The following TFDP2 variants were observed in gnomAD, a reference collection of about 807,000 sequenced individuals.
The protein encoded by TFDP2 is transcription factor Dp-2, also known as transcription factor Dp-2 (E2F dimerization partner 2).
A neutral mutation model predicts 59.3 loss-of-function variants in TFDP2; 17 were observed. That is an observed-to-expected ratio of 0.29 (90% CI 0.20 to 0.43). The LOEUF (loss-of-function observed/expected upper bound fraction) is 0.43. Among genes scored for constraint, TFDP2 ranks in the 20% least tolerant of loss-of-function variants. The pLI, the probability that TFDP2 is intolerant of heterozygous loss-of-function variation, is 1.00. For synonymous variants in TFDP2, 180 were observed against 194.7 expected (o/e 0.92, Z 0.63); for missense variants, 391 against 528.8 (o/e 0.74, Z 2.56).
At chr3:142,058,814 T>C (rs184701018) in intron 3 of TFDP2, among the ~76,000 whole-genome samples, 6 of 152,270 alleles carry the variant, frequency 3.9e-5, no homozygotes, top group Admixed American at 2.0e-4. Flanking sequence ...TGGGGTTTTA[T>C]AGAGGTTTCC....
chr3:142,141,690 G>A (rs183866274), intron 1 of TFDP2, among the ~76,000 whole-genome samples: 41 of 152,004 alleles, frequency 2.7e-4, no homozygotes, highest in African/African-American at 8.7e-4. Flanking sequence ...AGGCATGGTG[G>A]CACATACCTG....
At chr3:142,124,281 A>G (rs567622873) in intron 1 of TFDP2, among the ~76,000 whole-genome samples, 7 of 152,218 alleles carry the variant, frequency 4.6e-5, no homozygotes, top group Non-Finnish European at 8.8e-5. Context: ...GAATAGCCAT[A>G]AAATTATGGA....
intron 1 of TFDP2, chr3:142,145,495 G>T (rs1008910187): frequency 2.6e-5 from 4 of 152,150 alleles, no homozygotes; most frequent in Non-Finnish European, 4.4e-5. Context: ...GAACAAATCA[G>T]AGATTAGCAT....
chr3:142,055,148 G>C (rs1231755743), intron 3 of TFDP2, among the ~76,000 whole-genome samples: 3 of 152,174 alleles, frequency 2.0e-5, no homozygotes, highest in Non-Finnish European at 4.4e-5. Flanking sequence ...GATTCAACAA[G>C]CATTGAATTG....
In TFDP2 at chr3:142,121,769, C is replaced by T. The variant is rs1363575617; in HGVS notation, c.-92-19928G>A. 1.3e-5 allele frequency among the ~76,000 whole-genome samples: 2 copies of T among 151,828 alleles called. No homozygotes were observed. The highest frequency in any genetic ancestry group is 6.6e-5 in the Admixed American group (1 of 15,232). On this transcript the variant is annotated intron_variant, in intron 1 of 12. Transcript: ENST00000489671. This position sits in a 1 kb window ranked among gnomAD's most constrained non-coding sequence, Gnocchi z 4.3. The stretch of plus-strand genomic sequence containing the variant: ...TCCCAGCACTTCTGGGATGCTGAGG[C>T]GGACGGAACACCTGAGGTCAGGAGT...
chr3:142,009,347 C>T (rs1156467749), intron 3 of TFDP2, among the ~76,000 whole-genome samples: 4 of 152,074 alleles, frequency 2.6e-5, no homozygotes. Context: ...GTTTATTTTG[C>T]TTTTAACATG....
intron 2 of TFDP2, among the ~76,000 whole-genome samples, chr3:142,094,161 G>A (rs948573363): frequency 5.9e-5 from 9 of 152,066 alleles, no homozygotes; most frequent in South Asian, 2.1e-4. Flanking sequence ...TTGGCAGAAC[G>A]CAAACATCCA....
intron 2 of TFDP2, among the ~76,000 whole-genome samples, chr3:142,099,111 G>A (rs1055925109): frequency 3.9e-5 from 6 of 152,156 alleles, no homozygotes; most frequent in African/African-American, 1.4e-4. Flanking sequence ...CTCTGTAAGA[G>A]GGCAATCTCT....
chr3:142,055,648 A>G (rs902880568), intron 3 of TFDP2, among the ~76,000 whole-genome samples: 1 of 152,244 alleles, frequency 6.6e-6, no homozygotes, highest in Non-Finnish European at 1.5e-5. Context: ...CATAAAGCCC[A>G]GCTTCCAATT....
At chr3:141,954,927 T>G (rs1158400988) in intron 11 of TFDP2, among the ~76,000 whole-genome samples, 1 of 152,174 alleles carries the variant, frequency 6.6e-6, no homozygotes, top group African/African-American at 2.4e-5. Flanking sequence ...TAAATGACTA[T>G]GCTAATTTTA....
At chr3:142,009,118 G>A (rs1009089454) in intron 3 of TFDP2, among the ~76,000 whole-genome samples, 21 of 152,068 alleles carry the variant, frequency 1.4e-4, no homozygotes, top group African/African-American at 4.8e-4. Flanking sequence ...AATGGGCTAC[G>A]TCTCTCAGCT....
intron 3 of TFDP2, among the ~76,000 whole-genome samples, chr3:142,062,750 T>C (rs1217132626): frequency 6.6e-6 from 1 of 151,672 alleles, no homozygotes; most frequent in Non-Finnish European, 1.5e-5. Context: ...CCTACCCAAA[T>C]GCCCAATAAC....
At chr3:141,984,570 C>A (rs1941865158) in intron 6 of TFDP2, among the ~76,000 whole-genome samples, 1 of 152,134 alleles carries the variant, frequency 6.6e-6, no homozygotes, top group African/African-American at 2.4e-5. Flanking sequence ...GAAAGTAGAA[C>A]AGAGGGATTG....
chr3:141,985,373 G>A (rs900956177), intron 6 of TFDP2, among the ~76,000 whole-genome samples: 7 of 151,774 alleles, frequency 4.6e-5, no homozygotes, highest in African/African-American at 1.7e-4. Context: ...TACAAAAAAT[G>A]TAAAAATTAG....
intron 2 of TFDP2, among the ~76,000 whole-genome samples, chr3:142,095,501 T>C (rs2061132971): frequency 6.6e-6 from 1 of 152,244 alleles, no homozygotes; most frequent in South Asian, 2.1e-4. Context: ...CTAGAATCTA[T>C]CATCATCAAA....
Position 141,978,647 on chromosome 3 carries a change from C to T in TFDP2, c.392G>A (p.Gly131Asp). 6.2e-7 allele frequency: 1 copy of T among 1,610,842 alleles called. No individual in the cohort carries two copies. The change falls in exon 7 of 13, where the codon GGC becomes GAC. Residue 131 changes from glycine to aspartate, a missense_variant. Gly to Asp is a moderately conservative substitution (Grantham distance 94). Transcript: ENST00000489671. ...RSKKGDKNGK[G>D]LRHFSMKVCE... The stretch of plus-strand genomic sequence containing the variant: ...CACTTTCATTGAAAAGTGTCTCAAG[C>T]CTTTCCCATTTTTATCTCCTTTTTT...
chr3:142,100,403 G>A (rs1053305927), intron 2 of TFDP2, among the ~76,000 whole-genome samples: 3 of 151,988 alleles, frequency 2.0e-5, no homozygotes, highest in Admixed American at 1.3e-4. Flanking sequence ...ACGAAGTCTC[G>A]CTCTTGTCCC....
intron 6 of TFDP2, among the ~76,000 whole-genome samples, chr3:141,987,897 C>T (rs555727784): frequency 6.7e-6 from 1 of 149,638 alleles, no homozygotes; most frequent in East Asian, 2.0e-4. Context: ...TGAGATTGTG[C>T]CACTGCACTC....
chr3:142,012,270 C>T (rs1036302820), intron 3 of TFDP2, among the ~76,000 whole-genome samples: 3 of 152,164 alleles, frequency 2.0e-5, no homozygotes, highest in Admixed American at 1.3e-4. Flanking sequence ...CCTCGGCCTC[C>T]CAAAGTGCTG....
Sources: gnomAD v4.1 joint callset for allele counts (sites outside exome capture counted in the v4.1 genomes callset) on GRCh38, gnomAD v4.1.1 for gene constraint, Gnocchi (gnomAD v3.1) non-coding constraint, MANE v1.5 for transcripts, NCBI Gene and HGNC (gene_info 2026-07-23, HGNC 2026-07-21) for gene names.